The following SLC25A37 variants were observed in gnomAD, a reference collection of about 807,000 sequenced individuals.
SLC25A37 encodes the protein solute carrier family 25 member 37.
Under a neutral mutation model 31.0 loss-of-function variants are expected in SLC25A37, and 17 were observed. The ratio of observed to expected loss-of-function variants is 0.55; its 90% CI spans 0.38 to 0.82. The LOEUF (loss-of-function observed/expected upper bound fraction) is 0.82. Among genes scored for constraint, SLC25A37 ranks in the 40% least tolerant of loss-of-function variants. The probability of loss-of-function intolerance (pLI) is 0.00; values close to 1 mark genes in which losing one functional copy is unlikely to be tolerated. For missense variants in SLC25A37, 404 were observed against 465.8 expected (o/e 0.87, Z 1.22); for synonymous variants, 222 against 193.0 (o/e 1.15, Z -1.24).
chr8:23,561,828 G>C (rs1802523323), intron 1 of SLC25A37, among the ~76,000 whole-genome samples: 1 of 152,232 alleles, frequency 6.6e-6, no homozygotes, highest in Admixed American at 6.5e-5. Flanking sequence ...GTCTATGGAT[G>C]GGTATTTTCA....
rs1801608416 is a variant in SLC25A37 at position 23,529,170 on chromosome 8, G to A, written c.168G>A (p.Gly56=). 1 of 1,611,482 alleles carries A rather than the reference G, an allele frequency of 6.2e-7. No homozygotes were observed. Among genetic ancestry groups the A allele is most frequent in the Non-Finnish European group, 8.5e-7 (1 of 1,179,098 alleles). The change falls in exon 1 of 4, where the codon GGG becomes GGA. Residue 56 remains glycine (G), a synonymous_variant. Coordinates refer to ENST00000519973, the MANE Select transcript of SLC25A37 (RefSeq NM_016612.4). The surrounding 1 kb of genome is among the most constrained non-coding windows in gnomAD (Gnocchi z 4.1). ...ACATGACAGCAGGAGCGATGGCCGG[G>A]ATCCTGGAGCACTCGGTCATGTACC... ...STHMTAGAMA[G]ILEHSVMYPV...
chr8:23,551,010 A>G (rs1298981863), intron 1 of SLC25A37, among the ~76,000 whole-genome samples: 1 of 152,168 alleles, frequency 6.6e-6, no homozygotes, highest in East Asian at 1.9e-4. Flanking sequence ...GGCCTTTTCC[A>G]TAGTATGAAC....
intron 1 of SLC25A37, among the ~76,000 whole-genome samples, chr8:23,555,889 G>T (rs868723126): frequency 6.6e-6 from 1 of 152,210 alleles, no homozygotes; most frequent in Admixed American, 6.5e-5. Flanking sequence ...CTTCCTGTAG[G>T]TGAGGCAGGG....
chr8:23,570,409 T>TGGGGGG, intron 3 of SLC25A37, among the ~76,000 whole-genome samples: 1 of 90,244 alleles, frequency 1.1e-5, no homozygotes, highest in Non-Finnish European at 1.9e-5. Context: ...TAAGCGGTGG[T>TGGGGGG]GGGGGGTGGG....
At position 23,574,431 on chromosome 8, in the gene SLC25A37, A is replaced by G. The variant is rs912225049; in HGVS notation, c.*2576A>G. On this transcript the variant is annotated 3_prime_UTR_variant, in exon 4 of 4. Coordinates refer to ENST00000519973, the MANE Select transcript of SLC25A37 (RefSeq NM_016612.4). ...CAGTGAGCTGAGATTGTGCCACTGC[A>G]CTTCAGCCTGGGCGACAGAGTGACT... 6.5e-6 allele frequency: 1 copy of G among 152,962 alleles called. No homozygotes were observed. Among genetic ancestry groups the G allele is most frequent in the Admixed American group, 6.5e-5 (1 of 15,358 alleles). The allele number at this position is 152,962 out of a possible 1,614,324, so 9.5% of individuals were successfully genotyped here.
rs1020395032 is a variant in SLC25A37 at position 23,574,199 on chromosome 8, C to G, written c.*2344C>G. 1.2e-5 allele frequency: 3 copies of G among 248,174 alleles called. No individual in the cohort carries two copies. The Admixed American group carries it at 1.4e-4, about 12-fold the overall frequency. The allele number at this position is 248,174 out of a possible 1,614,324, so 15.4% of individuals were successfully genotyped here. On this transcript the variant is annotated 3_prime_UTR_variant, in exon 4 of 4. Coordinates refer to ENST00000519973, the MANE Select transcript of SLC25A37 (RefSeq NM_016612.4). ...GAGGTGAAGGTGGCGTGTGGTGGCT[C>G]ATGCCTGTAATCCCAGCACTTTGGG... is the stretch of plus-strand genomic sequence containing the variant.
In SLC25A37 at chr8:23,536,155, C is replaced by T. The variant is rs531706983; in HGVS notation, c.210+6943C>T. 2.6e-5 allele frequency among the ~76,000 whole-genome samples: 4 copies of T among 152,286 alleles called. No homozygotes were observed. The East Asian group carries it at 7.7e-4, about 29-fold the overall frequency. On this transcript the variant is annotated intron_variant, in intron 1 of 3. Coordinates refer to ENST00000519973, the MANE Select transcript of SLC25A37 (RefSeq NM_016612.4). Reference sequence around the variant, plus strand: ...TCCAGGATCTTTAGGCTTCCTGCTCCATTGAGTTTTTCTCAAAAGTGTTTC... The same window carrying T: ...TCCAGGATCTTTAGGCTTCCTGCTCTATTGAGTTTTTCTCAAAAGTGTTTC...
Position 23,529,037 on chromosome 8 carries a change from C to A in SLC25A37, c.35C>A (p.Ala12Glu). 6.4e-7 allele frequency: 1 copy of A among 1,553,764 alleles called. No individual in the cohort carries two copies. The highest frequency in any genetic ancestry group is 8.7e-7 in the Non-Finnish European group (1 of 1,151,044). The change falls in exon 1 of 4, where the codon GCG becomes GAG. Residue 12 changes from alanine to glutamate, a missense_variant. Physicochemically the swap from Ala to Glu is moderately radical, Grantham distance 107 (BLOSUM62 -1). This residue lies in a region of SLC25A37 where 154 missense variants were observed against 153.6 expected (regional missense o/e 1.00). Coordinates refer to ENST00000519973, the MANE Select transcript of SLC25A37 (RefSeq NM_016612.4). This position sits in a 1 kb window ranked among gnomAD's most constrained non-coding sequence, Gnocchi z 4.1. ...CGCAGCGGGAGCGTGGGCAGCCAGGCGGTGGCGCGGAGGATGGATGGGGAC... is the reference window on the plus strand; with the variant it reads ...CGCAGCGGGAGCGTGGGCAGCCAGGAGGTGGCGCGGAGGATGGATGGGGAC... ...ELRSGSVGSQ[A>E]VARRMDGDSR...
At chr8:23,551,688 TAGG>T (rs1466171896) in intron 1 of SLC25A37, among the ~76,000 whole-genome samples, 1 of 151,870 alleles carries the variant, frequency 6.6e-6, no homozygotes, top group Non-Finnish European at 1.5e-5. Flanking sequence ...TAGGTGCCAT[TAGG>T]AGCCCCACTT....
chr8:23,566,788 G>T (rs1802673228), intron 2 of SLC25A37: 4 of 987,702 alleles, frequency 4.0e-6, no homozygotes, highest in Non-Finnish European at 4.8e-6. Flanking sequence ...TCTCTACAAC[G>T]CCAAGATCTA....
At chr8:23,539,486 TG>T (rs33957808) in intron 1 of SLC25A37, among the ~76,000 whole-genome samples, 14,504 of 152,194 alleles carry the variant, frequency 0.095, 994 homozygotes, top group East Asian at 0.35. Flanking sequence ...CTGCTGTGGG[TG>T]GGGGACCCGG....
intron 1 of SLC25A37, among the ~76,000 whole-genome samples, chr8:23,535,645 C>T (rs1193118505): frequency 6.6e-6 from 1 of 152,170 alleles, no homozygotes; most frequent in African/African-American, 2.4e-5. Flanking sequence ...TTTCAAGCTG[C>T]TGATAAAGAC....
chr8:23,538,150 G>T (rs970304656), intron 1 of SLC25A37, among the ~76,000 whole-genome samples: 1 of 152,000 alleles, frequency 6.6e-6, no homozygotes, highest in Non-Finnish European at 1.5e-5. Flanking sequence ...GGAGGCCGAG[G>T]CGGGCAGATC....
At chr8:23,556,893 C>G (rs933413729) in intron 1 of SLC25A37, among the ~76,000 whole-genome samples, 1 of 152,108 alleles carries the variant, frequency 6.6e-6, no homozygotes, top group African/African-American at 2.4e-5. Context: ...CTCTGTCACC[C>G]AGGCTGGAGT....
chr8:23,532,704 GT>G (rs1352358704), intron 1 of SLC25A37, among the ~76,000 whole-genome samples: 1 of 152,166 alleles, frequency 6.6e-6, no homozygotes, highest in Non-Finnish European at 1.5e-5. Flanking sequence ...TCCCAGGTTG[GT>G]GCACCACGGA....
intron 1 of SLC25A37, among the ~76,000 whole-genome samples, chr8:23,542,891 A>T (rs1025392704): frequency 6.6e-6 from 1 of 152,084 alleles, no homozygotes; most frequent in African/African-American, 2.4e-5. Context: ...GTAAAAAAAT[A>T]AAAAATGTTA....
At chr8:23,551,038 G>C (rs1327557111) in intron 1 of SLC25A37, among the ~76,000 whole-genome samples, 1 of 152,226 alleles carries the variant, frequency 6.6e-6, no homozygotes, top group African/African-American at 2.4e-5. Context: ...CACCAGACCA[G>C]TCAGCAGTGT....
chr8:23,536,547 C>G (rs945155001), intron 1 of SLC25A37, among the ~76,000 whole-genome samples: 1 of 152,144 alleles, frequency 6.6e-6, no homozygotes, highest in African/African-American at 2.4e-5. Context: ...CTCATTTTCC[C>G]CAGCACACAT....
chr8:23,553,158 C>T (rs1221532505), intron 1 of SLC25A37, among the ~76,000 whole-genome samples: 2 of 152,192 alleles, frequency 1.3e-5, no homozygotes, highest in African/African-American at 2.4e-5. Flanking sequence ...CAGTGGCTCA[C>T]GCCTGTAATC....
Sources: gnomAD v4.1 joint callset for allele counts (sites outside exome capture counted in the v4.1 genomes callset) on GRCh38, gnomAD v4.1.1 for gene constraint, gnomAD v4.1.1 regional missense constraint, Gnocchi (gnomAD v3.1) non-coding constraint, MANE v1.5 for transcripts, NCBI Gene and HGNC (gene_info 2026-07-23, HGNC 2026-07-21) for gene names.